The following CATSPERD variants were observed in gnomAD, a reference collection of about 807,000 sequenced individuals.
The protein encoded by CATSPERD is cation channel sperm-associated auxiliary subunit delta.
In CATSPERD, 86 loss-of-function variants were observed where a neutral mutation model predicts 98.1. The observed-to-expected ratio is 0.88, with a 90% CI of 0.74 to 1.05. CATSPERD has a LOEUF of 1.05. Ranked by LOEUF, CATSPERD falls within the 50% of genes least tolerant of loss-of-function variation. The probability of loss-of-function intolerance (pLI) is 0.00; values close to 1 mark genes in which losing one functional copy is unlikely to be tolerated. For synonymous variants in CATSPERD, 394 were observed against 390.2 expected (o/e 1.01, Z -0.12); for missense variants, 995 against 1,005.7 (o/e 0.99, Z 0.14).
intron 1 of CATSPERD, among the ~76,000 whole-genome samples, chr19:5,721,814 C>T (rs1162706036): frequency 6.6e-6 from 1 of 151,598 alleles, no homozygotes; most frequent in Non-Finnish European, 1.5e-5. Context: ...CATGATGAAA[C>T]CTCGTCTCTA....
chr19:5,751,621 G>T, intron 11 of CATSPERD, 26 bp from the exon 12 acceptor site: 2 of 1,345,368 alleles, frequency 1.5e-6, no homozygotes, highest in Non-Finnish European at 2.0e-6. Context: ...ACAATGATTA[G>T]ATCTCAGGAA....
chr19:5,768,111 A>G (rs992477102), intron 17 of CATSPERD, 57 bp from the exon 18 acceptor site: 2 of 1,495,080 alleles, frequency 1.3e-6, no homozygotes, highest in Admixed American at 3.4e-5. Context: ...TCCCATCCAT[A>G]ATGGTTTGGT....
rs564146529 is a variant in CATSPERD at position 5,734,106 on chromosome 19, A to G, written c.391+136A>G. 2.5e-5 allele frequency: 15 copies of G among 595,200 alleles called. 1 individual carries two copies. The South Asian group carries it at 3.2e-4, about 13-fold the overall frequency. 36.9% of individuals were successfully genotyped at this position (595,200 alleles called of 1,614,324 possible). A position where few individuals can be genotyped will look rare whatever the true frequency, so the allele number is the denominator to read the frequency against. On this transcript the variant is annotated intron_variant, in intron 5 of 21. Coordinates refer to ENST00000381624, the MANE Select transcript of CATSPERD (RefSeq NM_152784.4). ...ACATTACTTTGTCCTTTCCAACCAA[A>G]ATGAAAATTGGCCTGAGTCCCCATC...
intron 4 of CATSPERD, 27 bp from the exon 5 acceptor site, chr19:5,733,829 T>G: frequency 6.4e-6 from 9 of 1,413,800 alleles, no homozygotes; most frequent in African/African-American, 2.9e-5. Flanking sequence ...ATGCTCTCAT[T>G]GATATCATCC....
chr19:5,750,433 T>A (rs376476577), intron 11 of CATSPERD, among the ~76,000 whole-genome samples: 60 of 93,588 alleles, frequency 6.4e-4, no homozygotes, highest in South Asian at 1.4e-3. Context: ...CCTGGGTGAC[T>A]GAGCGAGACT....
intron 18 of CATSPERD, among the ~76,000 whole-genome samples, chr19:5,770,030 A>C (rs1029096880): frequency 6.6e-6 from 1 of 150,676 alleles, no homozygotes; most frequent in Admixed American, 6.6e-5. Flanking sequence ...CGGAGGTTGC[A>C]GTGAGCTGAG....
In CATSPERD at chr19:5,778,688, A is replaced by G; in HGVS notation, c.*12A>G. The G allele has an allele frequency of 6.2e-7, 1 of 1,607,810 alleles. No individual in the cohort carries two copies. Among genetic ancestry groups the G allele is most frequent in the Non-Finnish European group, 8.5e-7 (1 of 1,176,798 alleles). ...GGTCTGACCACTGAGGCCGGTCCAC[A>G]GGGTCCCAACCCCTTGTCTTCAAAT... On this transcript the variant is annotated 3_prime_UTR_variant, in exon 22 of 22. Coordinates refer to ENST00000381624, the MANE Select transcript of CATSPERD (RefSeq NM_152784.4).
chr19:5,751,197 C>CAAAAAAAAAAAAAAAAAAAA (rs556079596), intron 11 of CATSPERD, among the ~76,000 whole-genome samples: 1 of 46,600 alleles, frequency 2.1e-5, no homozygotes, highest in Non-Finnish European at 3.9e-5. Context: ...GATTCCGTCT[C>CAAAAAAAAAAAAAAAAAAAA]AAAAAAAAAA....
chr19:5,744,706 T>G (rs2056062784), intron 8 of CATSPERD, among the ~76,000 whole-genome samples, 196 bp downstream of exon 8: 1 of 151,920 alleles, frequency 6.6e-6, no homozygotes, highest in Non-Finnish European at 1.5e-5. Flanking sequence ...CTTCAAGCAA[T>G]TCTCCTGCCT....
intron 14 of CATSPERD, among the ~76,000 whole-genome samples, chr19:5,758,482 C>T (rs2056368906): frequency 6.6e-6 from 1 of 150,688 alleles, no homozygotes; most frequent in East Asian, 2.0e-4. Context: ...AATCCCAGCA[C>T]TTTGAGAGGC....
intron 16 of CATSPERD, 98 bp from the exon 17 acceptor site, chr19:5,766,005 C>G (rs984667748): frequency 3.4e-6 from 3 of 888,778 alleles, no homozygotes; most frequent in Non-Finnish European, 5.1e-6. Flanking sequence ...ACATGGTTTC[C>G]AAACCATTCC....
rs758147294 is a variant in CATSPERD, at chr19:5,772,985, G to A, written c.1941+20G>A. ...AGAGAGGTAACAGGACCCTAGGATC[G>A]TTTCCAGAAGAATCAGCAGCCCACC... On this transcript the variant is annotated intron_variant, in intron 20 of 21. Coordinates refer to ENST00000381624, the MANE Select transcript of CATSPERD (RefSeq NM_152784.4). 1.1e-5 allele frequency: 18 copies of A among 1,608,688 alleles called. No individual in the cohort carries two copies. The highest frequency in any genetic ancestry group is 1.7e-4 in the Middle Eastern group (1 of 6,022).
chr19:5,743,791 TG>T (rs976459823), intron 7 of CATSPERD, among the ~76,000 whole-genome samples: 1 of 151,780 alleles, frequency 6.6e-6, no homozygotes, highest in Non-Finnish European at 1.5e-5. Context: ...TATCCCTAGG[TG>T]GGGCCCTTGA....
intron 9 of CATSPERD, among the ~76,000 whole-genome samples, chr19:5,746,353 G>A (rs933445854): frequency 6.6e-6 from 1 of 152,140 alleles, no homozygotes; most frequent in Admixed American, 6.6e-5. Context: ...GCTTTAGGTC[G>A]CGTCTGGGAA....
chr19:5,749,929 G>A (rs1018597357), intron 11 of CATSPERD, among the ~76,000 whole-genome samples: 36 of 149,172 alleles, frequency 2.4e-4, no homozygotes, highest in African/African-American at 8.1e-4. Flanking sequence ...TCAGCCTCCC[G>A]AGTAGCTGGG....
chr19:5,755,525 T>C (rs1472491369), intron 13 of CATSPERD, among the ~76,000 whole-genome samples: 1 of 152,112 alleles, frequency 6.6e-6, no homozygotes, highest in Non-Finnish European at 1.5e-5. Context: ...ATTTCAGTAC[T>C]TCAGGAGGCT....
Position 5,745,955 on chromosome 19 carries a change from G to C in CATSPERD, c.700G>C (p.Gly234Arg), listed in dbSNP as rs201497391. 4 of 1,614,008 alleles carry C rather than the reference G, an allele frequency of 2.5e-6. No homozygotes were observed. ...YSDHPLNRSFGLSFDYNGTLD... is the reference protein window; with the variant it reads ...YSDHPLNRSFRLSFDYNGTLD... ...AGATCACCCCCTCAACCGGAGTTTC[G>C]GGCTGTCTTTTGACTATAATGGGAC... Residue 234 changes from glycine (G) to arginine (R), a missense_variant, in exon 9 of 22, where the codon GGG becomes CGG. Around this residue, in one of 3 missense-constraint regions of CATSPERD, gnomAD observed 762 missense variants for 773.7 expected, o/e 0.98. Transcript: ENST00000381624.
At chr19:5,727,195 C>CA (rs572991955) in intron 2 of CATSPERD, 73 bp from the exon 3 acceptor site, 21,950 of 968,130 alleles carry the variant, frequency 0.023, no homozygotes, top group Middle Eastern at 0.026. Flanking sequence ...ACTCTTGTCT[C>CA]AAAAAAAAAA....
chr19:5,743,304 A>G (rs1204472764), intron 7 of CATSPERD, among the ~76,000 whole-genome samples: 2 of 151,674 alleles, frequency 1.3e-5, no homozygotes, highest in African/African-American at 4.8e-5. Context: ...ACTCTGTCTC[A>G]AAAACAAACA....
Sources: allele counts gnomAD v4.1 joint callset (sites outside exome capture counted in the v4.1 genomes callset), GRCh38; gene constraint gnomAD v4.1.1; regional missense constraint gnomAD v4.1.1; transcripts MANE v1.5; gene names NCBI Gene and HGNC (gene_info 2026-07-23, HGNC 2026-07-21).